The following HEATR5B variants were observed in gnomAD, a reference collection of about 807,000 sequenced individuals.
The protein encoded by HEATR5B is HEAT repeat-containing protein 5B.
Under a neutral mutation model 224.1 loss-of-function variants are expected in HEATR5B, and 156 were observed. The observed-to-expected ratio is 0.70, with a 90% confidence interval of 0.61 to 0.80. HEATR5B has a LOEUF of 0.80. Among genes scored for constraint, HEATR5B ranks in the 30% least tolerant of loss-of-function variants. HEATR5B has a pLI of 0.00. For synonymous variants in HEATR5B, 1,027 were observed against 893.0 expected (o/e 1.15, Z -2.68); for missense variants, 2,323 against 2,535.5 (o/e 0.92, Z 1.80).
At chr2:37,014,556 CT>C (rs1182394459) in intron 26 of HEATR5B, among the ~76,000 whole-genome samples, 3 of 151,886 alleles carry the variant, frequency 2.0e-5, no homozygotes, top group Non-Finnish European at 4.4e-5. Flanking sequence ...CCACCGTGTA[CT>C]TTAACAAAAA....
chr2:37,025,002 T>C (rs187370739), intron 24 of HEATR5B, among the ~76,000 whole-genome samples: 1 of 152,266 alleles, frequency 6.6e-6, no homozygotes, highest in Admixed American at 6.5e-5. Flanking sequence ...CGGTGGTGTA[T>C]TATATTTGGG....
At chr2:37,041,968 C>T (rs936548369) in intron 18 of HEATR5B, among the ~76,000 whole-genome samples, 1 of 151,744 alleles carries the variant, frequency 6.6e-6, no homozygotes, top group Non-Finnish European at 1.5e-5. Context: ...CACAGTATTA[C>T]ATAAAATATT....
Position 37,056,443 on chromosome 2 carries a change from T to C in HEATR5B, c.2396A>G (p.His799Arg), listed in dbSNP as rs2148544738. 6.3e-7 allele frequency: 1 copy of C among 1,594,824 alleles called. No individual in the cohort carries two copies. The highest frequency in any genetic ancestry group is 8.5e-7 in the Non-Finnish European group (1 of 1,173,706). The part of the protein sequence containing the change: ...GVVFPHVSYK[H>R]RLQMLDHFAE... ...ACCTGATTGACTTTATACTAACCGG[T>C]GTTTATAAGAAACATGAGGAAACAC... The change falls in exon 16 of 36, where the codon CAC becomes CGC. Residue 799 changes from histidine (H) to arginine (R), a missense_variant. His to Arg is a conservative substitution (Grantham distance 29). Around this residue, in one of 12 missense-constraint regions of HEATR5B, gnomAD observed 170 missense variants for 216.7 expected, o/e 0.78. Coordinates refer to ENST00000233099, the MANE Select transcript of HEATR5B (RefSeq NM_019024.3).
At chr2:37,028,222 T>A (rs1223405464) in intron 23 of HEATR5B, 48 bp from the exon 24 acceptor site, 1 of 1,288,542 alleles carries the variant, frequency 7.8e-7, no homozygotes, top group Non-Finnish European at 1.0e-6. Flanking sequence ...TAAGCAAAAA[T>A]GATCCTTTAA....
rs149019647 is a variant in HEATR5B at position 37,028,086 on chromosome 2, C to T, written c.3690G>A (p.Thr1230=). 6.9e-5 allele frequency: 111 copies of T among 1,613,728 alleles called. No individual in the cohort carries two copies. Among genetic ancestry groups the T allele is most frequent in the South Asian group, 4.9e-4 (45 of 91,086 alleles). ...GCTTTGATTTATCTTCTTCACCTAA[C>T]GTGGTAAACATGGTATCATCATCCA... ...DEMDDDTMFT[T]LGEEDKSKPF... Residue 1230 remains threonine (T), a synonymous_variant, in exon 24 of 36, where the codon ACG becomes ACA. Coordinates refer to ENST00000233099, the MANE Select transcript of HEATR5B (RefSeq NM_019024.3).
intron 26 of HEATR5B, among the ~76,000 whole-genome samples, chr2:37,017,488 C>G (rs1668192300): frequency 6.6e-6 from 1 of 151,598 alleles, no homozygotes; most frequent in Non-Finnish European, 1.5e-5. Context: ...AGCTCGAGAC[C>G]AGCCTGGCCA....
intron 24 of HEATR5B, among the ~76,000 whole-genome samples, chr2:37,021,826 G>A (rs976718403): frequency 1.3e-5 from 2 of 150,748 alleles, no homozygotes; most frequent in African/African-American, 4.9e-5. Context: ...GGTCAAGGCT[G>A]CAGTGAGCCG....
intron 7 of HEATR5B, among the ~76,000 whole-genome samples, 181 bp from the exon 8 acceptor site, chr2:37,069,111 G>GTT (rs1223713521): frequency 6.6e-6 from 1 of 152,176 alleles, no homozygotes; most frequent in Non-Finnish European, 1.5e-5. Context: ...TATTAGTGAA[G>GTT]TATCTTTGAC....
chr2:36,999,998 C>A (rs908794150), intron 33 of HEATR5B, among the ~76,000 whole-genome samples: 1 of 151,342 alleles, frequency 6.6e-6, no homozygotes, highest in Non-Finnish European at 1.5e-5. Flanking sequence ...GGTGACGGAG[C>A]GAGACTTTGT....
At chr2:37,065,964 T>G (rs1671564486) in intron 8 of HEATR5B, 54 bp from the exon 9 acceptor site, 3 of 1,528,092 alleles carry the variant, frequency 2.0e-6, no homozygotes, top group Middle Eastern at 1.9e-4. Context: ...GTGGTATGAT[T>G]TTTTTGGTCT....
In HEATR5B at chr2:37,008,657, T is replaced by A. The variant is rs781134374; in HGVS notation, c.4476A>T (p.Ala1492=). The A allele has an allele frequency of 6.2e-7, 1 of 1,613,944 alleles. No homozygotes were observed. The highest frequency in any genetic ancestry group is 1.7e-5 in the Admixed American group (1 of 59,992). ...RLWLAALKDY[A]LLTLPAEFSS... ...AAAATTCGGCTGGTAAAGTCAAGAGTGCATAATCTTTTAATGCTGCTAACC... is the reference window on the plus strand; with the variant it reads ...AAAATTCGGCTGGTAAAGTCAAGAGAGCATAATCTTTTAATGCTGCTAACC... The change falls in exon 28 of 36, where the codon GCA becomes GCT. Residue 1492 remains alanine (A), a synonymous_variant. Coordinates refer to ENST00000233099, the MANE Select transcript of HEATR5B (RefSeq NM_019024.3).
rs778954238 is a variant in HEATR5B, at chr2:37,072,241, G to C, written c.638C>G (p.Thr213Ser). The change falls in exon 6 of 36, where the codon ACT becomes AGT. Residue 213 changes from threonine (T) to serine (S), a missense_variant. Transcript: ENST00000233099. ...AGTGGCTATATTTTCTAGTTCAGCAGTCCACATAAATACAGCTTCATTCTG... is the reference window on the plus strand; with the variant it reads ...AGTGGCTATATTTTCTAGTTCAGCACTCCACATAAATACAGCTTCATTCTG... ...ELQNEAVFMW[T>S]AELENIATLC... 10 of 1,613,444 alleles carry C rather than the reference G, an allele frequency of 6.2e-6. No homozygotes were observed. Among genetic ancestry groups the C allele is most frequent in the Middle Eastern group, 3.3e-4 (2 of 6,084 alleles).
Position 37,040,437 on chromosome 2 carries a change from G to A in HEATR5B, c.2938C>T (p.Leu980=). The A allele has an allele frequency of 6.8e-6, 11 of 1,614,036 alleles. No homozygotes were observed. The highest frequency in any genetic ancestry group is 9.3e-6 in the Non-Finnish European group (11 of 1,179,938). The change falls in exon 20 of 36, where the codon CTA becomes TTA. Residue 980 remains leucine, a synonymous_variant. Coordinates refer to ENST00000233099, the MANE Select transcript of HEATR5B (RefSeq NM_019024.3). ...ACTGTCAACAGCAAGGTAAGAACTA[G>A]AGATAATGTTGGTTCCACATAGCCA... ...YRGYVEPTLS[L]VLTLLLTVPP...
rs774456317 is a variant in HEATR5B, at chr2:37,079,112, G to C, written c.338+8C>G. 6.5e-7 allele frequency: 1 copy of C among 1,528,776 alleles called. No individual in the cohort carries two copies. Among genetic ancestry groups the C allele is most frequent in the Middle Eastern group, 2.1e-4 (1 of 4,758 alleles). 94.7% of individuals were successfully genotyped at this position (1,528,776 alleles called of 1,614,324 possible). ...ACTTCAAGGGCCCCTATTAAAGTAAGTACTTACAATTTTGTTGGTAAGTAG... is the reference window on the plus strand; with the variant it reads ...ACTTCAAGGGCCCCTATTAAAGTAACTACTTACAATTTTGTTGGTAAGTAG... On this transcript the variant is annotated splice_region_variant and intron_variant, in intron 3 of 35. Coordinates refer to ENST00000233099, the MANE Select transcript of HEATR5B (RefSeq NM_019024.3).
At chr2:37,075,231 A>G (rs1353280680) in intron 5 of HEATR5B, among the ~76,000 whole-genome samples, 1 of 152,240 alleles carries the variant, frequency 6.6e-6, no homozygotes, top group African/African-American at 2.4e-5. Context: ...ACTCAGCAAT[A>G]AAAAGGAATG....
At chr2:37,010,067 T>C (rs973661024) in intron 27 of HEATR5B, among the ~76,000 whole-genome samples, 1 of 152,186 alleles carries the variant, frequency 6.6e-6, no homozygotes, top group Non-Finnish European at 1.5e-5. Context: ...AAAGCAACTT[T>C]CCTAAAATAT....
chr2:37,079,819 T>C (rs868151974), intron 2 of HEATR5B, among the ~76,000 whole-genome samples: 4 of 152,228 alleles, frequency 2.6e-5, no homozygotes, highest in Non-Finnish European at 5.9e-5. Flanking sequence ...AATTCATTTA[T>C]TTATTCAAAC....
In HEATR5B at chr2:37,029,700, G is replaced by T. The variant is rs182748722; in HGVS notation, c.3362-780C>A. Reference sequence around the variant, plus strand: ...TCATGCCTGTAATCCCAGCACATTGGGGGGCTGAGGTGGGAGGTTCACAAG... The same window carrying T: ...TCATGCCTGTAATCCCAGCACATTGTGGGGCTGAGGTGGGAGGTTCACAAG... On this transcript the variant is annotated intron_variant, in intron 22 of 35. Coordinates refer to ENST00000233099, the MANE Select transcript of HEATR5B (RefSeq NM_019024.3). 8.6e-3 allele frequency among the ~76,000 whole-genome samples: 1,310 copies of T among 151,772 alleles called. 23 individuals carry two copies. Among genetic ancestry groups the T allele is most frequent in the African/African-American group, 0.03 (1,252 of 41,356 alleles).
At chr2:36,999,708 C>T (rs960919409) in intron 33 of HEATR5B, among the ~76,000 whole-genome samples, 30 of 151,652 alleles carry the variant, frequency 2.0e-4, no homozygotes, top group East Asian at 1.2e-3. Context: ...GAGAGATATA[C>T]ATGTATATAT....
Sources: allele counts gnomAD v4.1 joint callset (sites outside exome capture counted in the v4.1 genomes callset), GRCh38; gene constraint gnomAD v4.1.1; regional missense constraint gnomAD v4.1.1; transcripts MANE v1.5; gene names NCBI Gene and HGNC (gene_info 2026-07-23, HGNC 2026-07-21).